The following RMDN2 variants were observed in gnomAD, a reference collection of about 807,000 sequenced individuals.
RMDN2 encodes regulator of microtubule dynamics 2.
Under a neutral mutation model 52.8 loss-of-function variants are expected in RMDN2, and 61 were observed. The ratio of observed to expected loss-of-function variants is 1.16; its 90% CI spans 0.94 to 1.43. The LOEUF (loss-of-function observed/expected upper bound fraction) is 1.43, where lower values mean the gene tolerates loss of function less well. Ranked by LOEUF, RMDN2 falls within the 40% of genes most tolerant of loss-of-function variation. The pLI, the probability that RMDN2 is intolerant of heterozygous loss-of-function variation, is 0.00. For synonymous variants in RMDN2, 180 were observed against 153.1 expected, an observed-to-expected ratio of 1.18 and a Z score of -1.30; for missense variants, 592 against 475.3, an observed-to-expected ratio of 1.25 and a Z score of -2.28.
intron 2 of RMDN2, among the ~76,000 whole-genome samples, chr2:37,964,145 C>A (rs1365308911): frequency 1.4e-5 from 2 of 143,636 alleles, no homozygotes. Context: ...AGACGGGGCG[C>A]CTGCCGGGCG....
At chr2:38,019,792 G>A (rs1679201012), downstream of RMDN2, among the ~76,000 whole-genome samples, 1 of 152,098 alleles carries the variant, frequency 6.6e-6, no homozygotes, top group African/African-American at 2.4e-5. Flanking sequence ...GAGCGTGGTG[G>A]TGCATGCCTG....
intron 7 of RMDN2, among the ~76,000 whole-genome samples, chr2:37,994,507 T>C (rs1023107541): frequency 6.6e-6 from 1 of 152,212 alleles, no homozygotes; most frequent in Non-Finnish European, 1.5e-5. Flanking sequence ...TAGAAGTGTT[T>C]CCACATATGT....
At chr2:37,952,648 AT>A (rs746026608) in intron 2 of RMDN2, 6 of 182,544 alleles carry the variant, frequency 3.3e-5, no homozygotes, top group Non-Finnish European at 6.8e-5. Flanking sequence ...CAATTCACAC[AT>A]TTTCATATAT....
chr2:37,968,017 C>T (rs1210727931), intron 2 of RMDN2, among the ~76,000 whole-genome samples: 2 of 151,980 alleles, frequency 1.3e-5, no homozygotes, highest in Non-Finnish European at 2.9e-5. Context: ...TTCCTTTTTT[C>T]CGTGAACTTT....
chr2:37,931,645 T>C (rs768374184), intron 2 of RMDN2, among the ~76,000 whole-genome samples: 1 of 152,280 alleles, frequency 6.6e-6, no homozygotes, highest in Non-Finnish European at 1.5e-5. Flanking sequence ...CAAACTTTGA[T>C]AAGTTTAGGA....
chr2:38,054,707 T>C (rs1373926975), intron 10 of RMDN2, among the ~76,000 whole-genome samples: 1 of 152,208 alleles, frequency 6.6e-6, no homozygotes, highest in Non-Finnish European at 1.5e-5. Flanking sequence ...CATTTATGAA[T>C]TCTCTTCTCT....
chr2:38,060,721 G>A (rs552976549), intron 10 of RMDN2, among the ~76,000 whole-genome samples: 36 of 152,258 alleles, frequency 2.4e-4, no homozygotes, highest in African/African-American at 7.5e-4. Context: ...TGCTCTCAAA[G>A]CTGATATGAC....
chr2:37,977,730 G>A (rs966925485), intron 4 of RMDN2, among the ~76,000 whole-genome samples: 22 of 151,048 alleles, frequency 1.5e-4, no homozygotes, highest in Non-Finnish European at 2.4e-4. Flanking sequence ...ATGGGGCGGC[G>A]GGGCAGAGGC....
chr2:37,978,318 A>C (rs973633668), intron 4 of RMDN2, among the ~76,000 whole-genome samples: 1 of 37,672 alleles, frequency 2.7e-5, no homozygotes, highest in African/African-American at 1.1e-4. Flanking sequence ...TGCAAAGGGG[A>C]GGGGGGAGAG....
chr2:38,045,703 C>G (rs1173984274), intron 10 of RMDN2, among the ~76,000 whole-genome samples: 1 of 152,194 alleles, frequency 6.6e-6, no homozygotes, highest in Admixed American at 6.5e-5. Context: ...TAGTGAGCAT[C>G]TGAAGCATTT....
At chr2:37,943,563 AAAAT>A (rs1227722462) in intron 2 of RMDN2, among the ~76,000 whole-genome samples, 21 of 152,248 alleles carry the variant, frequency 1.4e-4, no homozygotes, top group Non-Finnish European at 2.4e-4. Flanking sequence ...CGTTATGTCT[AAAAT>A]AAATTCTTTT....
intron 2 of RMDN2, among the ~76,000 whole-genome samples, chr2:37,953,674 C>T (rs537655025): frequency 3.9e-5 from 6 of 152,062 alleles, no homozygotes; most frequent in South Asian, 2.1e-4. Flanking sequence ...ACTGTCTGTT[C>T]GAAACCTTCC....
chr2:38,041,585 T>C (rs1037584374), intron 10 of RMDN2, among the ~76,000 whole-genome samples: 4 of 152,118 alleles, frequency 2.6e-5, no homozygotes, highest in African/African-American at 9.7e-5. Flanking sequence ...CGGCCTTTTG[T>C]AGATCTTCTT....
At chr2:37,956,165 C>T (rs538554721) in intron 2 of RMDN2, among the ~76,000 whole-genome samples, 2 of 152,246 alleles carry the variant, frequency 1.3e-5, no homozygotes, top group South Asian at 4.1e-4. Flanking sequence ...TATGTGACAT[C>T]ACTGTCAAAC....
chr2:38,040,856 G>C (rs1680905653), intron 10 of RMDN2, among the ~76,000 whole-genome samples: 1 of 151,992 alleles, frequency 6.6e-6, no homozygotes, highest in African/African-American at 2.4e-5. Context: ...CATGAACATG[G>C]GATAGCTCTT....
In RMDN2 at chr2:37,977,853, A is replaced by G. The variant is rs551599393; in HGVS notation, c.730+2539A>G. ...GTTCCCAGACTGGGCGGCCGGGCAG[A>G]GGGGCTCCTCACATCCCGGACGATG... On this transcript the variant is annotated intron_variant, in intron 4 of 10. Coordinates refer to ENST00000354545, the MANE Select transcript of RMDN2 (RefSeq NM_001170791.3). Among the ~76,000 whole-genome samples the G allele has an allele frequency of 6.0e-3, 904 of 151,662 alleles. 11 individuals carry two copies. Among genetic ancestry groups the G allele is most frequent in the African/African-American group, 0.02 (846 of 41,294 alleles).
At chr2:37,965,482 A>G (rs1293609244) in intron 2 of RMDN2, among the ~76,000 whole-genome samples, 2 of 152,080 alleles carry the variant, frequency 1.3e-5, no homozygotes, top group African/African-American at 2.4e-5. Context: ...AATTTTAATT[A>G]CATACAAAAA....
At chr2:37,951,264 T>C (rs1472762551) in intron 2 of RMDN2, 4 of 1,600,776 alleles carry the variant, frequency 2.5e-6, no homozygotes, top group Non-Finnish European at 2.6e-6. Context: ...CTTCCAACGA[T>C]GTTCTCCAGA....
intron 2 of RMDN2, among the ~76,000 whole-genome samples, chr2:37,961,363 A>G (rs1340504429): frequency 6.6e-6 from 1 of 151,654 alleles, no homozygotes; most frequent in Non-Finnish European, 1.5e-5. Flanking sequence ...ATAGTCCCAT[A>G]TTTCTTGGAA....
Sources: gnomAD v4.1 joint callset for allele counts (sites outside exome capture counted in the v4.1 genomes callset) on GRCh38, gnomAD v4.1.1 for gene constraint, MANE v1.5 for transcripts, NCBI Gene and HGNC (gene_info 2026-07-23, HGNC 2026-07-21) for gene names.